ZNF787: variants seen among roughly 807,000 people sequenced by gnomAD.
ZNF787 encodes TTF-I-interacting peptide 20.
Under a neutral mutation model 16.9 loss-of-function variants are expected in ZNF787, and 7 were observed. The observed-to-expected ratio is 0.42, with a 90% CI of 0.24 to 0.78. The LOEUF is 0.78. ZNF787 is among the 30% of genes least tolerant of loss of function. The pLI, the probability that ZNF787 is intolerant of heterozygous loss-of-function variation, is 0.30. For synonymous variants in ZNF787, 345 were observed against 270.9 expected (o/e 1.27, Z -2.69); for missense variants, 551 against 589.3 (o/e 0.94, Z 0.67).
chr19:56,092,419 G>A (rs1985643849), intron 2 of ZNF787, among the ~76,000 whole-genome samples: 1 of 152,102 alleles, frequency 6.6e-6, no homozygotes, highest in Non-Finnish European at 1.5e-5. Context: ...CTACGCCCCA[G>A]GCTCTACCTC....
intron 2 of ZNF787, among the ~76,000 whole-genome samples, chr19:56,101,293 C>T (rs1282636504): frequency 1.3e-5 from 2 of 152,288 alleles, no homozygotes; most frequent in Non-Finnish European, 2.9e-5. Context: ...TGGGAGCGTG[C>T]GCAGCCCATC....
intron 1 of ZNF787, among the ~76,000 whole-genome samples, chr19:56,108,928 C>A (rs1317767981): frequency 6.6e-6 from 1 of 152,116 alleles, no homozygotes; most frequent in Non-Finnish European, 1.5e-5. Flanking sequence ...GCCCAAATCT[C>A]AGGAAATGCT....
chr19:56,088,109 A>C lies in ZNF787; in HGVS notation c.1063T>G (p.Tyr355Asp). Residue 355 changes from tyrosine to aspartate, a missense_variant, in exon 3 of 3, where the codon TAC becomes GAC. Tyr to Asp is a radical substitution (Grantham distance 160). Transcript: ENST00000610935. This position sits in a 1 kb window ranked among gnomAD's most constrained non-coding sequence, Gnocchi z 8.6. ...SVCSSCGQSYYRAGGEEEDDD... is the reference protein window; with the variant it reads ...SVCSSCGQSYDRAGGEEEDDD... ...TCCTCCTCCTCCCCGCCCGCGCGGTAGTAGCTCTGTCCGCAGCTGCTGCAG... is the reference window on the plus strand; with the variant it reads ...TCCTCCTCCTCCCCGCCCGCGCGGTCGTAGCTCTGTCCGCAGCTGCTGCAG... 1 of 1,507,872 alleles carries C rather than the reference A, an allele frequency of 6.6e-7. No individual in the cohort carries two copies. The highest frequency in any genetic ancestry group is 8.8e-7 in the Non-Finnish European group (1 of 1,130,500). The allele number at this position is 1,507,872 out of a possible 1,614,324, so 93.4% of individuals were successfully genotyped here. A position where few individuals can be genotyped will look rare whatever the true frequency, so the allele number is the denominator to read the frequency against.
rs138556893 is a variant in ZNF787, at chr19:56,111,810, G to C, written c.-10-8583C>G. Among the ~76,000 whole-genome samples, 1,170 of 152,276 alleles carry C rather than the reference G, an allele frequency of 7.7e-3. 6 individuals carry two copies. Among genetic ancestry groups the C allele is most frequent in the Middle Eastern group, 0.014 (4 of 294 alleles). On this transcript the variant is annotated intron_variant, in intron 1 of 2. Coordinates refer to ENST00000610935, the MANE Select transcript of ZNF787 (RefSeq NM_001002836.4). ...CCCCTGTGAGCAACGGGCAGCCGCG[G>C]TACCAGTCCTTGGCGTCATCACCGG...
intron 2 of ZNF787, chr19:56,102,801 T>C (rs1986150469): frequency 3.0e-6 from 2 of 662,878 alleles, no homozygotes; most frequent in East Asian, 5.4e-5. Context: ...GTCCAGGATG[T>C]GGAGGCGGGG....
intron 2 of ZNF787, chr19:56,102,845 CGG>C: frequency 1.4e-6 from 1 of 699,154 alleles, no homozygotes; most frequent in Non-Finnish European, 2.6e-6. Flanking sequence ...CCTCAACAGA[CGG>C]GGGTGCTGCC....
chr19:56,103,032 C>T lies in ZNF787; in HGVS notation c.79+107G>A, dbSNP rs559388281. The T allele has an allele frequency of 4.8e-5, 64 of 1,330,230 alleles. No homozygotes were observed. The South Asian group carries it at 6.3e-4, about 13-fold the overall frequency. 82.4% of individuals were successfully genotyped at this position (1,330,230 alleles called of 1,614,324 possible). ...CCAGGGTCGGGTGGTCCCAGGGCCC[C>T]AAGAGGGGAAAACAGGGAAGGGGGG... On this transcript the variant is annotated intron_variant, in intron 2 of 2. Transcript: ENST00000610935.
Position 56,087,781 on chromosome 19 carries a change from G to A in ZNF787, c.*242C>T, listed in dbSNP as rs1457724857. On this transcript the variant is annotated 3_prime_UTR_variant, in exon 3 of 3. Coordinates refer to ENST00000610935, the MANE Select transcript of ZNF787 (RefSeq NM_001002836.4). ...CCATTGTCTCTCCGGCTCGCAGGCC[G>A]ATAACTTAGGAAGGGCGGGCCAGGC... 5 of 542,136 alleles carry A rather than the reference G, an allele frequency of 9.2e-6. No homozygotes were observed. Among genetic ancestry groups the A allele is most frequent in the Admixed American group, 9.7e-5 (2 of 20,714 alleles). The allele number at this position is 542,136 out of a possible 1,614,324, so 33.6% of individuals were successfully genotyped here.
At chr19:56,106,059 C>T (rs1167301207) in intron 1 of ZNF787, among the ~76,000 whole-genome samples, 1 of 149,146 alleles carries the variant, frequency 6.7e-6, no homozygotes, top group African/African-American at 2.5e-5. Flanking sequence ...CCGCGCATTC[C>T]GCCCTCCGCG....
intron 2 of ZNF787, among the ~76,000 whole-genome samples, chr19:56,096,358 G>A (rs1985873869): frequency 6.6e-6 from 1 of 152,148 alleles, no homozygotes; most frequent in Non-Finnish European, 1.5e-5. Context: ...GGTCAAGGCT[G>A]CAGTGAGCAG....
At chr19:56,096,957 C>T (rs73934667) in intron 2 of ZNF787, among the ~76,000 whole-genome samples, 3,554 of 152,170 alleles carry the variant, frequency 0.023, 135 homozygotes, top group African/African-American at 0.081. Context: ...CTCTCAACAT[C>T]GGGAACTCCA....
At chr19:56,105,981 TTCCCCCC>T (rs1986293371) in intron 1 of ZNF787, among the ~76,000 whole-genome samples, 1 of 95,222 alleles carries the variant, frequency 1.1e-5, no homozygotes, top group East Asian at 4.1e-4. Context: ...TCACCGCGCA[TTCCCCCC>T]TCCGCGCCCA....
At position 56,088,023 on chromosome 19, in the gene ZNF787, C is replaced by T. The variant is rs1985382455; in HGVS notation, c.1149G>A (p.Ter383=). ...CPECRGGEGR[*] ...CCGCCCCCCCCCCCGGGCCCCTCCC[C>T]TACCGGCCCTCCCCACCGCGGCACT... Residue 383 remains the stop codon, a stop_retained_variant, in exon 3 of 3, where the codon TAG becomes TAA. Transcript: ENST00000610935. The surrounding 1 kb of genome is among the most constrained non-coding windows in gnomAD (Gnocchi z 8.6). 11 of 1,210,902 alleles carry T rather than the reference C, an allele frequency of 9.1e-6. No individual in the cohort carries two copies. The highest frequency in any genetic ancestry group is 1.7e-5 in the African/African-American group (1 of 59,590). The allele number at this position is 1,210,902 out of a possible 1,614,324, so 75.0% of individuals were successfully genotyped here. A position where few individuals can be genotyped will look rare whatever the true frequency, so the allele number is the denominator to read the frequency against.
intron 1 of ZNF787, among the ~76,000 whole-genome samples, chr19:56,104,738 C>G (rs1249288310): frequency 1.3e-5 from 2 of 152,258 alleles, no homozygotes; most frequent in Non-Finnish European, 2.9e-5. Flanking sequence ...CGCACACCAC[C>G]AAGCGGTGCC....
chr19:56,111,196 T>C (rs576337329), intron 1 of ZNF787, among the ~76,000 whole-genome samples: 2 of 151,930 alleles, frequency 1.3e-5, no homozygotes, highest in East Asian at 3.9e-4. Flanking sequence ...GTGCACACTT[T>C]CCAGGCCACA....
At chr19:56,096,820 G>C (rs1985892377) in intron 2 of ZNF787, among the ~76,000 whole-genome samples, 1 of 152,240 alleles carries the variant, frequency 6.6e-6, no homozygotes, top group African/African-American at 2.4e-5. Flanking sequence ...AACTCCAGCT[G>C]TAAGACACCG....
At chr19:56,107,615 G>GC (rs1194180419) in intron 1 of ZNF787, among the ~76,000 whole-genome samples, 4 of 149,508 alleles carry the variant, frequency 2.7e-5, no homozygotes, top group African/African-American at 9.9e-5. Flanking sequence ...CCGAGGTCCT[G>GC]CCCCCAAGGC....
rs1412296640 is a variant in ZNF787 at position 56,087,831 on chromosome 19, A to G, written c.*192T>C. The stretch of plus-strand genomic sequence containing the variant: ...CTGAGGGGGCAGAGTCTCGAGGCGG[A>G]GAAGTGAACGGGCCCTAATACGCCC... On this transcript the variant is annotated 3_prime_UTR_variant, in exon 3 of 3. Transcript: ENST00000610935. 3 of 898,148 alleles carry G rather than the reference A, an allele frequency of 3.3e-6. No homozygotes were observed. Among genetic ancestry groups the G allele is most frequent in the Non-Finnish European group, 2.9e-6 (2 of 686,444 alleles). 55.6% of individuals were successfully genotyped at this position (898,148 alleles called of 1,614,324 possible).
chr19:56,116,074 G>A (rs1416604203), intron 1 of ZNF787, among the ~76,000 whole-genome samples: 1 of 151,912 alleles, frequency 6.6e-6, no homozygotes, highest in Non-Finnish European at 1.5e-5. Context: ...GTCGGGGGAG[G>A]GTGCAGGCGG....
Sources: gnomAD v4.1 joint callset for allele counts (sites outside exome capture counted in the v4.1 genomes callset) on GRCh38, gnomAD v4.1.1 for gene constraint, Gnocchi (gnomAD v3.1) non-coding constraint, MANE v1.5 for transcripts, NCBI Gene and HGNC (gene_info 2026-07-23, HGNC 2026-07-21) for gene names.